ALOX15: variants seen among roughly 807,000 people sequenced by gnomAD.
The protein encoded by ALOX15 is arachidonate 15-lipoxygenase, also known as polyunsaturated fatty acid lipoxygenase ALOX15.
Under a neutral mutation model 71.7 loss-of-function variants are expected in ALOX15, and 68 were observed. The ratio of observed to expected loss-of-function variants is 0.95; its 90% confidence interval spans 0.78 to 1.16. ALOX15 has a LOEUF of 1.16. ALOX15 is among the 50% of genes most tolerant of loss of function. The pLI is 0.00. For missense variants in ALOX15, 798 were observed against 818.8 expected, an observed-to-expected ratio of 0.97 and a Z score of 0.31; for synonymous variants, 346 against 333.3, an observed-to-expected ratio of 1.04 and a Z score of -0.42.
chr17:4,640,646 C>T (rs1292717975), intron 1 of ALOX15, among the ~76,000 whole-genome samples: 1 of 138,916 alleles, frequency 7.2e-6, no homozygotes, highest in African/African-American at 2.7e-5. Flanking sequence ...CTCTTCCTGG[C>T]TCCCTTTGCC....
rs79622758 is a variant in ALOX15, at chr17:4,639,223, T to C, written c.338-91A>G. 4 of 1,516,316 alleles carry C rather than the reference T, an allele frequency of 2.6e-6. No homozygotes were observed. The South Asian group carries it at 3.4e-5, about 13-fold the overall frequency. 93.9% of individuals were successfully genotyped at this position (1,516,316 alleles called of 1,614,324 possible). A position where few individuals can be genotyped will look rare whatever the true frequency, so the allele number is the denominator to read the frequency against. ...AGAGCCTCAGCACCCCGTCCTTCTG[T>C]GTGGCCTCTGCCCCTTCAGCATCAC... On this transcript the variant is annotated intron_variant, in intron 2 of 13. Coordinates refer to ENST00000293761, the MANE Select transcript of ALOX15 (RefSeq NM_001140.5).
Position 4,633,484 on chromosome 17 carries a change from AG to A in ALOX15, c.1177del (p.Leu393CysfsTer25). On this transcript the variant is annotated frameshift_variant, in exon 9 of 14. Transcript: ENST00000293761. LOFTEE classifies it high-confidence loss of function. The part of the protein sequence containing the change: ...HPIFKLIIPH[L>X]RYTLEINVRA... ...GACGTTAATTTCCAGGGTGTATCGCAGGTGGGGAATTATAAGCTAGAGGGAG... is the reference window on the plus strand; with the variant it reads ...GACGTTAATTTCCAGGGTGTATCGCAGTGGGGAATTATAAGCTAGAGGGAG... 1.9e-6 allele frequency: 3 copies of A among 1,614,108 alleles called. No individual in the cohort carries two copies. The South Asian group carries it at 3.3e-5, about 18-fold the overall frequency.
chr17:4,637,359 T>C, intron 6 of ALOX15, 101 bp from the exon 7 acceptor site: 3 of 1,342,760 alleles, frequency 2.2e-6, no homozygotes, highest in Non-Finnish European at 3.0e-6. Flanking sequence ...CTCGTCTCCA[T>C]CATCTACTTT....
Position 4,639,068 on chromosome 17 carries a change from C to G in ALOX15, c.402G>C (p.Glu134Asp). 6.2e-7 allele frequency: 1 copy of G among 1,614,246 alleles called. No homozygotes were observed. The highest frequency in any genetic ancestry group is 8.5e-7 in the Non-Finnish European group (1 of 1,180,040). ...FQKHREEELEERRKLYRWGNW... is the reference protein window; with the variant it reads ...FQKHREEELEDRRKLYRWGNW... ...GGGCTCACCGGTACAACTTCCTTCTCTCTTCCAGCTCTTCTTCCCGGTGTT... is the reference window on the plus strand; with the variant it reads ...GGGCTCACCGGTACAACTTCCTTCTGTCTTCCAGCTCTTCTTCCCGGTGTT... The change falls in exon 3 of 14, where the codon GAG becomes GAC. Residue 134 changes from glutamate (E) to aspartate (D), a missense_variant. This residue lies in a region of ALOX15 where 300 missense variants were observed against 283.1 expected (regional missense o/e 1.06). Coordinates refer to ENST00000293761, the MANE Select transcript of ALOX15 (RefSeq NM_001140.5).
chr17:4,633,475 G>T lies in ALOX15; in HGVS notation c.1187C>A (p.Thr396Asn). 1 of 1,614,160 alleles carries T rather than the reference G, an allele frequency of 6.2e-7. No homozygotes were observed. The highest frequency in any genetic ancestry group is 8.5e-7 in the Non-Finnish European group (1 of 1,180,018). The change falls in exon 9 of 14, where the codon ACC (threonine) becomes AAC (asparagine). Residue 396 changes from threonine to asparagine, a missense_variant. Thr to Asn is a moderately conservative substitution (Grantham distance 65). This residue lies in a region of ALOX15 where 490 missense variants were observed against 509.4 expected (regional missense o/e 0.96). Coordinates refer to ENST00000293761, the MANE Select transcript of ALOX15 (RefSeq NM_001140.5). ...CCTGGCCCGGACGTTAATTTCCAGG[G>T]TGTATCGCAGGTGGGGAATTATAAG... Reference protein sequence around the residue: ...FKLIIPHLRYTLEINVRARTG... With the variant: ...FKLIIPHLRYNLEINVRARTG...
At position 4,636,618 on chromosome 17, in the gene ALOX15, C is replaced by T. The variant is rs145554854; in HGVS notation, c.951+497G>A. ...TATTTCTAGCATCTCCCCTCTCCAACCCACCCTAAACACCACTGCCCACAC... is the reference window on the plus strand; with the variant it reads ...TATTTCTAGCATCTCCCCTCTCCAATCCACCCTAAACACCACTGCCCACAC... On this transcript the variant is annotated intron_variant, in intron 7 of 13. Coordinates refer to ENST00000293761, the MANE Select transcript of ALOX15 (RefSeq NM_001140.5). Among the ~76,000 whole-genome samples, 724 of 152,276 alleles carry T rather than the reference C, an allele frequency of 4.8e-3. 1 individual carries two copies. Among genetic ancestry groups the T allele is most frequent in the Middle Eastern group, 0.01 (3 of 294 alleles).
Position 4,631,231 on chromosome 17 carries a change from TAAC to T in ALOX15, c.*366_*368del, listed in dbSNP as rs200868987. 3.9e-3 allele frequency: 750 copies of T among 193,512 alleles called. 7 individuals carry two copies. The highest frequency in any genetic ancestry group is 0.017 in the African/African-American group (706 of 42,576). 12.0% of individuals were successfully genotyped at this position (193,512 alleles called of 1,614,324 possible). A position where few individuals can be genotyped will look rare whatever the true frequency, so the allele number is the denominator to read the frequency against. On this transcript the variant is annotated 3_prime_UTR_variant, in exon 14 of 14. Coordinates refer to ENST00000293761, the MANE Select transcript of ALOX15 (RefSeq NM_001140.5). ...TGGGTGTCAAAGTGAGACTCTGTCTTAACAACAACAAAAAAATCATATTTGATT... is the reference window on the plus strand; with the variant it reads ...TGGGTGTCAAAGTGAGACTCTGTCTTAACAACAAAAAAATCATATTTGATT...
chr17:4,631,744 C>G lies in ALOX15; in HGVS notation c.1845G>C (p.Ser615=), dbSNP rs140716949. 7 of 1,613,930 alleles carry G rather than the reference C, an allele frequency of 4.3e-6. No individual in the cohort carries two copies. Among genetic ancestry groups the G allele is most frequent in the Middle Eastern group, 1.6e-4 (1 of 6,082 alleles). Residue 615 remains serine (S), a synonymous_variant, in exon 14 of 14, where the codon TCG becomes TCC. Coordinates refer to ENST00000293761, the MANE Select transcript of ALOX15 (RefSeq NM_001140.5). ...TCAGCACAGCCTTAGGCTCAGGGCC[C>G]GAAAAATACTCCTCCTCATGCTGGC... is the stretch of plus-strand genomic sequence containing the variant. ...AVGQHEEEYF[S]GPEPKAVLKK...
chr17:4,641,031 G>A (rs1373123868), intron 1 of ALOX15, among the ~76,000 whole-genome samples: 1 of 150,760 alleles, frequency 6.6e-6, no homozygotes, highest in Non-Finnish European at 1.5e-5. Flanking sequence ...TAGAACACCC[G>A]GTAGATGTGA....
rs1476292894 is a variant in ALOX15, at chr17:4,632,265, T to C, written c.1557A>G (p.Leu519=). The change falls in exon 12 of 14, where the codon TTA becomes TTG. Residue 519 remains leucine (L), a synonymous_variant. Transcript: ENST00000293761. ...AGTGGCAAACCTGGTCCCGAGCCTG[T>C]AAAGAGACAGGAAACCCTGCAAGGG... is the stretch of plus-strand genomic sequence containing the variant. ...GAQDRGFPVS[L]QARDQVCHFV... is the part of the protein sequence containing the mutation. 6.2e-7 allele frequency: 1 copy of C among 1,613,874 alleles called. No homozygotes were observed. Among genetic ancestry groups the C allele is most frequent in the African/African-American group, 1.3e-5 (1 of 74,848 alleles).
rs755568166 is a variant in ALOX15, at chr17:4,631,572, G to A, written c.*28C>T. 6.2e-7 allele frequency: 1 copy of A among 1,610,286 alleles called. No homozygotes were observed. The highest frequency in any genetic ancestry group is 1.1e-5 in the South Asian group (1 of 90,882). On this transcript the variant is annotated 3_prime_UTR_variant, in exon 14 of 14. Coordinates refer to ENST00000293761, the MANE Select transcript of ALOX15 (RefSeq NM_001140.5). ...GTCAGCTTGTGGCTTGGGTGATGGG[G>A]GCTGAAATAACCAAAGGGTGGCGAC...
In ALOX15 at chr17:4,641,553, C is replaced by A. The variant is rs1375657510; in HGVS notation, c.99G>T (p.Ala33=). Residue 33 remains alanine, a synonymous_variant, in exon 1 of 14, where the codon GCG becomes GCT. Coordinates refer to ENST00000293761, the MANE Select transcript of ALOX15 (RefSeq NM_001140.5). ...CGGGCCACAGTCGCTTCCCGAGCGC[C>A]GCCTCCCCGTGCTGGCCGACCAGCC... ...QLWLVGQHGE[A]ALGKRLWPAR... 6.2e-7 allele frequency: 1 copy of A among 1,613,340 alleles called. No homozygotes were observed. The highest frequency in any genetic ancestry group is 8.5e-7 in the Non-Finnish European group (1 of 1,179,982).
In ALOX15 at chr17:4,631,611, C is replaced by T; in HGVS notation, c.1978G>A (p.Val660Met). 1 of 1,613,182 alleles carries T rather than the reference C, an allele frequency of 6.2e-7. No homozygotes were observed. The highest frequency in any genetic ancestry group is 8.5e-7 in the Non-Finnish European group (1 of 1,179,982). The stretch of plus-strand genomic sequence containing the variant: ...AAGGGTGGCGACGCTTAGATGGCCA[C>T]ACTGTTTTCCACCACGCTGGGCCGC... ...YLRPSVVENS[V>M]AI The change falls in exon 14 of 14, where the codon GTG becomes ATG. Residue 660 changes from valine (V) to methionine (M), a missense_variant. Val to Met is a conservative substitution (Grantham distance 21). Coordinates refer to ENST00000293761, the MANE Select transcript of ALOX15 (RefSeq NM_001140.5).
chr17:4,637,851 T>C (rs1157848373), intron 6 of ALOX15, among the ~76,000 whole-genome samples: 1 of 151,998 alleles, frequency 6.6e-6, no homozygotes, highest in Non-Finnish European at 1.5e-5. Context: ...TATCTGCCCT[T>C]AATCCCATGA....
At chr17:4,636,008 C>G in intron 7 of ALOX15, 40 bp from the exon 8 acceptor site, 1 of 1,594,862 alleles carries the variant, frequency 6.3e-7, no homozygotes, top group South Asian at 1.1e-5. Flanking sequence ...GGCATGAGTG[C>G]CAGGCACTCA....
chr17:4,635,391 A>T lies in ALOX15; in HGVS notation c.1161+368T>A, dbSNP rs137988076. Among the ~76,000 whole-genome samples the T allele has an allele frequency of 6.1e-3, 929 of 151,350 alleles. 30 individuals carry two copies. Among genetic ancestry groups the T allele is most frequent in the East Asian group, 0.051 (261 of 5,126 alleles). On this transcript the variant is annotated intron_variant, in intron 8 of 13. Transcript: ENST00000293761. ...AGAGGTTGCAGTGAGCCGAGATCGC[A>T]TCACTGCACTCCAGTCTGGGCAAAG...
At chr17:4,634,870 C>T (rs11568148) in intron 8 of ALOX15, among the ~76,000 whole-genome samples, 1,986 of 151,140 alleles carry the variant, frequency 0.013, 28 homozygotes, top group Non-Finnish European at 0.019. Context: ...CCCAGCTACT[C>T]GGGAGGCTGA....
At chr17:4,633,641 T>C in intron 8 of ALOX15, 141 bp from the exon 9 acceptor site, 1 of 652,354 alleles carries the variant, frequency 1.5e-6, no homozygotes, top group East Asian at 2.7e-5. Context: ...CAACAGTGAG[T>C]TTTCAGAAGT....
rs778379310 is a variant in ALOX15, at chr17:4,632,038, C to T, written c.1660G>A (p.Val554Met). 100 of 1,611,890 alleles carry T rather than the reference C, an allele frequency of 6.2e-5. No individual in the cohort carries two copies. Among genetic ancestry groups the T allele is most frequent in the Non-Finnish European group, 8.4e-5 (99 of 1,178,914 alleles). ...HLGQLDWYSW[V>M]PNAPCTMRLP... ...CGCATCGTGCAGGGTGCATTAGGCA[C>T]CCAAGAGTACCAGTCCAGCTAAGGA... Residue 554 changes from valine to methionine, a missense_variant, in exon 13 of 14, where the codon GTG becomes ATG. Physicochemically the swap from Val to Met is conservative, Grantham distance 21 (BLOSUM62 1). Transcript: ENST00000293761.
Sources: gnomAD v4.1 joint callset for allele counts (sites outside exome capture counted in the v4.1 genomes callset) on GRCh38, gnomAD v4.1.1 for gene constraint, gnomAD v4.1.1 regional missense constraint, MANE v1.5 for transcripts, NCBI Gene and HGNC (gene_info 2026-07-23, HGNC 2026-07-21) for gene names.